Variants in HACD1 observed in about 807,000 individuals in gnomAD.
HACD1 encodes the protein 3-hydroxyacyl-CoA dehydratase 1, also known as very-long-chain (3R)-3-hydroxyacyl-CoA dehydratase 1.
Under a neutral mutation model 32.0 loss-of-function variants are expected in HACD1, and 41 were observed. That is an observed-to-expected ratio of 1.28 (90% CI 1.00 to 1.66). The LOEUF (loss-of-function observed/expected upper bound fraction) is 1.66. Among genes scored for constraint, HACD1 ranks in the 40% most tolerant of loss-of-function variants. The pLI is 0.00. For missense variants in HACD1, 396 were observed against 380.1 expected, an observed-to-expected ratio of 1.04 and a Z score of -0.35; for synonymous variants, 142 against 139.0, an observed-to-expected ratio of 1.02 and a Z score of -0.15.
intron 4 of HACD1, among the ~76,000 whole-genome samples, chr10:17,600,533 C>G (rs782736822): frequency 1.6e-4 from 24 of 152,070 alleles, no homozygotes; most frequent in Non-Finnish European, 3.2e-4. Context: ...ACCGTGTTGG[C>G]CAGGCTGGTC....
At chr10:17,617,030 C>T (rs574048880) in intron 1 of HACD1, 53 bp downstream of exon 1, 4 of 1,359,510 alleles carry the variant, frequency 2.9e-6, no homozygotes, top group East Asian at 6.3e-5. Flanking sequence ...AACCCGGAAC[C>T]TCCGCGGACC....
At chr10:17,609,443 G>A (rs117020484) in intron 1 of HACD1, among the ~76,000 whole-genome samples, 193 of 152,160 alleles carry the variant, frequency 1.3e-3, no homozygotes, top group Non-Finnish European at 2.5e-3. Context: ...GTGAGCCACC[G>A]TGCCCAGCTA....
At position 17,590,452 on chromosome 10, in the gene HACD1, T is replaced by C. The variant is rs1554815481; in HGVS notation, c.785-6A>G. The C allele has an allele frequency of 1.9e-6, 3 of 1,568,724 alleles. No individual in the cohort carries two copies. The highest frequency in any genetic ancestry group is 2.3e-5 in the East Asian group (1 of 44,394). On this transcript the variant is annotated splice_polypyrimidine_tract_variant and splice_region_variant and intron_variant, in intron 6 of 6. Coordinates refer to ENST00000361271, the MANE Select transcript of HACD1 (RefSeq NM_014241.4). Reference sequence around the variant, plus strand: ...AAAATAGAGTTGTGGAAACACTTCATTGAAAAAGAAAACAAAGAAAAACAA... The same window carrying C: ...AAAATAGAGTTGTGGAAACACTTCACTGAAAAAGAAAACAAAGAAAAACAA...
intron 1 of HACD1, among the ~76,000 whole-genome samples, chr10:17,604,462 C>T (rs1425031012): frequency 3.9e-5 from 5 of 127,386 alleles, no homozygotes; most frequent in Admixed American, 9.8e-5. Context: ...CTAGCCTGGG[C>T]GACAGAGCTG....
chr10:17,610,150 C>A (rs1169768405), intron 1 of HACD1, among the ~76,000 whole-genome samples: 1 of 152,090 alleles, frequency 6.6e-6, no homozygotes, highest in Non-Finnish European at 1.5e-5. Context: ...CTGAAGAGAG[C>A]CCAAATGTCC....
intron 4 of HACD1, chr10:17,603,135 G>A (rs11814437): frequency 0.24 from 37,216 of 156,950 alleles, 4,713 homozygotes; most frequent in African/African-American, 0.29. Context: ...TGATCCACCC[G>A]CCTTGGCCTC....
intron 4 of HACD1, among the ~76,000 whole-genome samples, chr10:17,602,230 T>C (rs7924296): frequency 0.42 from 63,349 of 151,818 alleles, 14,119 homozygotes; most frequent in African/African-American, 0.55. Flanking sequence ...CCACCACATC[T>C]GGCTGATTTT....
chr10:17,610,541 C>A (rs907256787), intron 1 of HACD1, among the ~76,000 whole-genome samples: 67 of 151,174 alleles, frequency 4.4e-4, no homozygotes, highest in African/African-American at 1.6e-3. Context: ...CCCAGCTACT[C>A]GGGAGGCTGA....
intron 5 of HACD1, among the ~76,000 whole-genome samples, chr10:17,597,674 G>A (rs1216093866): frequency 6.6e-6 from 1 of 151,544 alleles, no homozygotes; most frequent in Non-Finnish European, 1.5e-5. Context: ...ATTTTCAAAG[G>A]TGCCAGAGGT....
At chr10:17,615,961 C>G (rs1833074759) in intron 1 of HACD1, 1 of 288,900 alleles carries the variant, frequency 3.5e-6, no homozygotes, top group Non-Finnish European at 7.1e-6. Context: ...GAATGAGTCT[C>G]CGTCTAAAAA....
chr10:17,616,552 T>C (rs1554818087), intron 1 of HACD1, among the ~76,000 whole-genome samples: 1 of 148,860 alleles, frequency 6.7e-6, no homozygotes, highest in African/African-American at 2.5e-5. Flanking sequence ...CCTGAGGCCA[T>C]AAAGATGCTG....
intron 5 of HACD1, among the ~76,000 whole-genome samples, chr10:17,595,615 C>T (rs1833986025): frequency 6.6e-6 from 1 of 152,030 alleles, no homozygotes; most frequent in African/African-American, 2.4e-5. Flanking sequence ...GGCCAGGCAT[C>T]CTGTATGCTT....
chr10:17,601,208 AT>A (rs1834065691), intron 4 of HACD1, among the ~76,000 whole-genome samples: 1 of 151,728 alleles, frequency 6.6e-6, no homozygotes, highest in Non-Finnish European at 1.5e-5. Flanking sequence ...TAATTTTTGA[AT>A]TTTTAGTAGA....
intron 4 of HACD1, chr10:17,602,914 G>A (rs1199235600): frequency 1.3e-5 from 2 of 151,080 alleles, no homozygotes; most frequent in African/African-American, 4.9e-5. Context: ...TTCAGACGGA[G>A]TCTCGCTCTG....
At chr10:17,590,826 C>G (rs1430327243) in intron 6 of HACD1, among the ~76,000 whole-genome samples, 3 of 152,056 alleles carry the variant, frequency 2.0e-5, no homozygotes, top group African/African-American at 7.2e-5. Flanking sequence ...CATGCATCAC[C>G]ACCACACCTG....
chr10:17,599,106 C>A, intron 5 of HACD1, 184 bp downstream of exon 5: 1 of 1,086,960 alleles, frequency 9.2e-7, no homozygotes, highest in Non-Finnish European at 1.2e-6. Flanking sequence ...TACGATTCCT[C>A]TCTCATCATT....
chr10:17,604,050 A>T lies in HACD1; in HGVS notation c.258-3T>A, dbSNP rs1157862720. 1.3e-5 allele frequency: 9 copies of T among 685,964 alleles called. No homozygotes were observed. The highest frequency in any genetic ancestry group is 1.8e-5 in the Non-Finnish European group (9 of 493,390). The allele number at this position is 685,964 out of a possible 1,614,324, so 42.5% of individuals were successfully genotyped here. On this transcript the variant is annotated splice_polypyrimidine_tract_variant and splice_region_variant and intron_variant, in intron 1 of 6. Transcript: ENST00000361271. ...TGGCAATAGCTAGAACCAACCACCT[A>T]AAAAAAAAAAGTATTTCATAAAGTT...
intron 4 of HACD1, among the ~76,000 whole-genome samples, chr10:17,601,236 G>A (rs1442134531): frequency 6.6e-6 from 1 of 151,966 alleles, no homozygotes; most frequent in Non-Finnish European, 1.5e-5. Context: ...GTTTCACCAT[G>A]TTGGCCAGGC....
chr10:17,590,902 T>C (rs551445485), intron 6 of HACD1, among the ~76,000 whole-genome samples: 10 of 152,310 alleles, frequency 6.6e-5, no homozygotes, highest in Admixed American at 6.5e-4. Flanking sequence ...CTTGAACTCC[T>C]GGCCTCAAGT....
Sources: gnomAD v4.1 joint callset for allele counts (sites outside exome capture counted in the v4.1 genomes callset) on GRCh38, gnomAD v4.1.1 for gene constraint, MANE v1.5 for transcripts, NCBI Gene and HGNC (gene_info 2026-07-23, HGNC 2026-07-21) for gene names.